The following FRMD4A variants were observed in gnomAD, a reference collection of about 807,000 sequenced individuals.
FRMD4A encodes the protein FERM domain-containing protein 4A.
In FRMD4A, 29 loss-of-function variants were observed where a neutral mutation model predicts 129.1. The observed-to-expected ratio is 0.22, with a 90% CI of 0.17 to 0.31. The LOEUF (loss-of-function observed/expected upper bound fraction) is 0.31. Ranked by LOEUF, FRMD4A falls within the 10% of genes least tolerant of loss-of-function variation. FRMD4A has a pLI of 1.00. For missense variants in FRMD4A, 1,272 were observed against 1,375.8 expected (o/e 0.92, Z 1.19); for synonymous variants, 634 against 571.6 (o/e 1.11, Z -1.56).
chr10:14,010,664 CTTTTTTTTTT>C (rs779471389), intron 2 of FRMD4A, among the ~76,000 whole-genome samples: 3 of 76,418 alleles, frequency 3.9e-5, no homozygotes, highest in African/African-American at 1.3e-4. Context: ...GAGTTTAGGT[CTTTTTTTTTT>C]TTTTTTTTTT....
intron 2 of FRMD4A, among the ~76,000 whole-genome samples, chr10:13,960,043 G>A (rs2095436908): frequency 6.6e-6 from 1 of 152,150 alleles, no homozygotes; most frequent in South Asian, 2.1e-4. Flanking sequence ...GGCAGCCCCC[G>A]CCTTTGGATC....
chr10:13,796,647 G>C, intron 4 of FRMD4A, 59 bp from the exon 5 acceptor site: 1 of 857,980 alleles, frequency 1.2e-6, no homozygotes, highest in Non-Finnish European at 2.0e-6. Context: ...TTTTTTTGGG[G>C]TTGAAGGTAT....
At chr10:13,808,274 G>A (rs1295198981) in intron 4 of FRMD4A, among the ~76,000 whole-genome samples, 2 of 152,172 alleles carry the variant, frequency 1.3e-5, no homozygotes, top group African/African-American at 2.4e-5. Flanking sequence ...ATGGAACTAC[G>A]ATTGCATTTT....
chr10:13,658,132 T>TAAAAAAAAAA (rs565374030), intron 21 of FRMD4A, among the ~76,000 whole-genome samples: 1 of 81,240 alleles, frequency 1.2e-5, no homozygotes, highest in African/African-American at 4.5e-5. Flanking sequence ...CTGTCTCTCT[T>TAAAAAAAAAA]AAAAAAAAAA....
chr10:13,683,712 GTTT>G (rs5783340), intron 15 of FRMD4A, among the ~76,000 whole-genome samples: 1 of 147,814 alleles, frequency 6.8e-6, no homozygotes, highest in African/African-American at 2.5e-5. Context: ...GTCACATCCA[GTTT>G]TTTTTTTTTC....
chr10:14,141,945 C>T (rs1839857391), intron 2 of FRMD4A, among the ~76,000 whole-genome samples: 1 of 152,124 alleles, frequency 6.6e-6, no homozygotes, highest in African/African-American at 2.4e-5. Flanking sequence ...CCTAAAAAAT[C>T]TCGTTTCCCT....
chr10:13,773,249 G>A (rs996388709), intron 6 of FRMD4A, among the ~76,000 whole-genome samples: 4 of 152,166 alleles, frequency 2.6e-5, no homozygotes, highest in Non-Finnish European at 5.9e-5. Flanking sequence ...TAAGAACACC[G>A]TGAGTCATAA....
intron 2 of FRMD4A, among the ~76,000 whole-genome samples, chr10:14,139,740 G>T (rs1303187846): frequency 6.6e-6 from 1 of 152,170 alleles, no homozygotes; most frequent in Non-Finnish European, 1.5e-5. Context: ...ATGAGTGACA[G>T]AACCTGGCCA....
intron 2 of FRMD4A, among the ~76,000 whole-genome samples, chr10:14,184,289 A>G (rs373212516): frequency 1.0e-5 from 1 of 100,146 alleles, no homozygotes; most frequent in African/African-American, 3.6e-5. Context: ...ATACCACCAC[A>G]ACCGGTTAAT....
intron 2 of FRMD4A, chr10:14,008,078 TCTCA>T: frequency 7.7e-7 from 1 of 1,303,538 alleles, no homozygotes; most frequent in South Asian, 1.2e-5. Flanking sequence ...CGCTGCGCCT[TCTCA>T]GAGATCCATA....
chr10:14,078,292 G>C (rs555510378), intron 2 of FRMD4A, among the ~76,000 whole-genome samples: 2 of 152,312 alleles, frequency 1.3e-5, no homozygotes, highest in South Asian at 4.1e-4. Context: ...ATTAAGCTGT[G>C]TCCTTTGTCT....
At chr10:13,689,320 C>CTCAGACA (rs2085444510) in intron 15 of FRMD4A, among the ~76,000 whole-genome samples, 1 of 149,984 alleles carries the variant, frequency 6.7e-6, no homozygotes. Context: ...TGTGACATGG[C>CTCAGACA]TCAGACACAC....
In FRMD4A at chr10:13,744,991, A is replaced by G. The variant is rs569832912; in HGVS notation, c.548+2745T>C. On this transcript the variant is annotated intron_variant, in intron 9 of 24. Transcript: ENST00000357447. ...TTAGCTAGAAGGAATATGTTCTAGCATTTGATAGAACAGTAGGGAAATTAT... is the reference window on the plus strand; with the variant it reads ...TTAGCTAGAAGGAATATGTTCTAGCGTTTGATAGAACAGTAGGGAAATTAT... Among the ~76,000 whole-genome samples the G allele has an allele frequency of 1.9e-3, 296 of 152,362 alleles. 1 individual carries two copies. Among genetic ancestry groups the G allele is most frequent in the African/African-American group, 6.9e-3 (289 of 41,588 alleles).
At chr10:13,910,794 A>G (rs1418058925) in intron 2 of FRMD4A, among the ~76,000 whole-genome samples, 1 of 151,338 alleles carries the variant, frequency 6.6e-6, no homozygotes, top group African/African-American at 2.4e-5. Flanking sequence ...CAGCAATGAC[A>G]CACAGCTGCA....
chr10:14,082,233 C>T (rs867318756), intron 2 of FRMD4A, among the ~76,000 whole-genome samples: 3 of 151,832 alleles, frequency 2.0e-5, no homozygotes, highest in Non-Finnish European at 2.9e-5. Flanking sequence ...GGCAACAGAG[C>T]GAGACTCCAG....
chr10:13,814,605 AAAG>A (rs1564846732), intron 3 of FRMD4A, among the ~76,000 whole-genome samples: 18 of 136,570 alleles, frequency 1.3e-4, no homozygotes, highest in South Asian at 4.8e-4. Flanking sequence ...AAAAAAAAAA[AAAG>A]AAAGAAAGGG....
At position 13,958,077 on chromosome 10, in the gene FRMD4A, C is replaced by T. The variant is rs1374442642; in HGVS notation, c.46-99165G>A. On this transcript the variant is annotated intron_variant, in intron 2 of 24. Transcript: ENST00000357447. ...CTTGTCGGGATTTCTCACCTGGCCCCATACGCTACTGCAGTACATTGCTAG... is the reference window on the plus strand; with the variant it reads ...CTTGTCGGGATTTCTCACCTGGCCCTATACGCTACTGCAGTACATTGCTAG... Among the ~76,000 whole-genome samples the T allele has an allele frequency of 2.0e-5, 3 of 152,138 alleles. No homozygotes were observed. In the East Asian group the frequency reaches 5.8e-4, roughly 29 times the overall value.
intron 12 of FRMD4A, among the ~76,000 whole-genome samples, chr10:13,734,956 C>T (rs2090550564): frequency 6.6e-6 from 1 of 152,078 alleles, no homozygotes; most frequent in Non-Finnish European, 1.5e-5. Context: ...TTACTGCAAC[C>T]TCTGCCTTCC....
intron 2 of FRMD4A, among the ~76,000 whole-genome samples, chr10:14,328,064 T>G (rs1313189604): frequency 1.3e-5 from 2 of 152,078 alleles, no homozygotes; most frequent in Non-Finnish European, 2.9e-5. Context: ...AGCACCAAAG[T>G]CCATAGGGGA....
Sources: gnomAD v4.1 joint callset for allele counts (sites outside exome capture counted in the v4.1 genomes callset) on GRCh38, gnomAD v4.1.1 for gene constraint, MANE v1.5 for transcripts, NCBI Gene and HGNC (gene_info 2026-07-23, HGNC 2026-07-21) for gene names.